Variants in TPST1 observed in about 807,000 individuals in gnomAD.
The protein encoded by TPST1 is tyrosylprotein sulfotransferase 1, also known as protein-tyrosine sulfotransferase 1.
TPST1 carries 20 observed loss-of-function variants against 34.8 expected under a neutral mutation model. That is an observed-to-expected ratio of 0.57 (90% confidence interval 0.40 to 0.84). The LOEUF is 0.84. Among genes scored for constraint, TPST1 ranks in the 40% least tolerant of loss-of-function variants. The pLI, the probability that TPST1 is intolerant of heterozygous loss-of-function variation, is 0.00. For synonymous variants in TPST1, 152 were observed against 159.4 expected, an observed-to-expected ratio of 0.95 and a Z score of 0.35; for missense variants, 353 against 455.5, an observed-to-expected ratio of 0.78 and a Z score of 2.05.
intron 1 of TPST1, among the ~76,000 whole-genome samples, chr7:66,225,067 G>A (rs937702704): frequency 6.6e-6 from 1 of 151,556 alleles, no homozygotes; most frequent in South Asian, 2.1e-4. Context: ...ACAGGCACGC[G>A]CCACCACGCC....
intron 1 of TPST1, among the ~76,000 whole-genome samples, chr7:66,225,893 G>C (rs996696915): frequency 7.2e-5 from 11 of 152,058 alleles, no homozygotes; most frequent in Non-Finnish European, 1.6e-4. Context: ...TTTTGTTTTT[G>C]TTTTTGTTTT....
chr7:66,322,802 C>T (rs539748099), intron 3 of TPST1, among the ~76,000 whole-genome samples: 3 of 152,218 alleles, frequency 2.0e-5, no homozygotes, highest in Non-Finnish European at 4.4e-5. Context: ...AGGAAGCTGC[C>T]GTACTGTTAC....
chr7:66,293,236 A>G (rs1791124106), intron 3 of TPST1, among the ~76,000 whole-genome samples: 2 of 151,946 alleles, frequency 1.3e-5, no homozygotes. Context: ...TGGGCCCAGC[A>G]TAGGGCTGAC....
At chr7:66,217,026 T>A (rs1415568647) in intron 1 of TPST1, among the ~76,000 whole-genome samples, 1 of 152,222 alleles carries the variant, frequency 6.6e-6, no homozygotes, top group African/African-American at 2.4e-5. Flanking sequence ...TATTGTTTTT[T>A]AATTTTATTT....
chr7:66,349,682 A>G (rs1792430740), intron 3 of TPST1, among the ~76,000 whole-genome samples: 1 of 152,208 alleles, frequency 6.6e-6, no homozygotes, highest in Admixed American at 6.5e-5. Flanking sequence ...TAAAGCAGCC[A>G]CGGCACAGAC....
chr7:66,330,660 C>T (rs1485248803), intron 3 of TPST1, among the ~76,000 whole-genome samples: 1 of 152,172 alleles, frequency 6.6e-6, no homozygotes, highest in Admixed American at 6.5e-5. Flanking sequence ...CCTTAAAACT[C>T]ACAGTCCACC....
chr7:66,232,903 G>T (rs1263550711), intron 1 of TPST1, among the ~76,000 whole-genome samples: 1 of 152,184 alleles, frequency 6.6e-6, no homozygotes. Context: ...TTGTCATCTA[G>T]TGGGTGTCAA....
chr7:66,229,717 G>A (rs1789737620), intron 1 of TPST1, among the ~76,000 whole-genome samples: 1 of 152,168 alleles, frequency 6.6e-6, no homozygotes, highest in Non-Finnish European at 1.5e-5. Flanking sequence ...TTTCACAGTA[G>A]ATATATCTAT....
intron 1 of TPST1, among the ~76,000 whole-genome samples, chr7:66,220,600 C>T (rs1789521559): frequency 7.2e-6 from 1 of 137,932 alleles, no homozygotes; most frequent in African/African-American, 2.7e-5. Flanking sequence ...GCAAAAGCTG[C>T]AGTGCATGCG....
chr7:66,212,148 T>A (rs1032037410), intron 1 of TPST1, among the ~76,000 whole-genome samples: 2 of 152,234 alleles, frequency 1.3e-5, no homozygotes, highest in African/African-American at 4.8e-5. Flanking sequence ...TTCATACGAT[T>A]AAGGTATATC....
chr7:66,240,520 A>G lies in TPST1; in HGVS notation c.95A>G (p.His32Arg), dbSNP rs1469855880. ...FYLGQHAMEC[H>R]HRIEERSQPV... ...CTGGGCCAGCATGCCATGGAATGCC[A>G]TCACCGGATAGAGGAACGTAGCCAG... The change falls in exon 2 of 6, where the codon CAT becomes CGT. Residue 32 changes from histidine (H) to arginine (R), a missense_variant. Coordinates refer to ENST00000304842, the MANE Select transcript of TPST1 (RefSeq NM_003596.4). 6.2e-7 allele frequency: 1 copy of G among 1,614,094 alleles called. No individual in the cohort carries two copies. Among genetic ancestry groups the G allele is most frequent in the Non-Finnish European group, 8.5e-7 (1 of 1,180,046 alleles).
At chr7:66,271,851 T>C (rs1366628774) in intron 2 of TPST1, among the ~76,000 whole-genome samples, 1 of 152,178 alleles carries the variant, frequency 6.6e-6, no homozygotes, top group African/African-American at 2.4e-5. Flanking sequence ...TTAGGACATT[T>C]TCAAAGGATT....
chr7:66,295,211 T>C (rs1318836497), intron 3 of TPST1, among the ~76,000 whole-genome samples: 1 of 152,204 alleles, frequency 6.6e-6, no homozygotes, highest in African/African-American at 2.4e-5. Flanking sequence ...AAAAAACCTT[T>C]GGGCTGGCCA....
chr7:66,222,703 G>C (rs1789569861), intron 1 of TPST1, among the ~76,000 whole-genome samples: 1 of 152,090 alleles, frequency 6.6e-6, no homozygotes, highest in Non-Finnish European at 1.5e-5. Context: ...GATGTCAATG[G>C]GGAATGATTC....
intron 3 of TPST1, among the ~76,000 whole-genome samples, chr7:66,303,391 G>GTGTATGTATGTTTGTATGTA (rs1554350571): frequency 1.3e-5 from 2 of 150,048 alleles, no homozygotes; most frequent in African/African-American, 4.9e-5. Flanking sequence ...ACAGCTGTGT[G>GTGTATGTATGTTTGTATGTA]TGTATGTATG....
chr7:66,235,942 G>A (rs1789903883), intron 1 of TPST1, among the ~76,000 whole-genome samples: 1 of 152,034 alleles, frequency 6.6e-6, no homozygotes, highest in South Asian at 2.1e-4. Context: ...TCCAAAGGAG[G>A]CAATCATATA....
At chr7:66,210,772 T>C (rs376368083) in intron 1 of TPST1, among the ~76,000 whole-genome samples, 1 of 152,174 alleles carries the variant, frequency 6.6e-6, no homozygotes, top group South Asian at 2.1e-4. Context: ...GAGATCAGCC[T>C]GGGCAACATA....
At chr7:66,338,527 A>G (rs1170263518) in intron 3 of TPST1, among the ~76,000 whole-genome samples, 1 of 152,168 alleles carries the variant, frequency 6.6e-6, no homozygotes, top group Non-Finnish European at 1.5e-5. Context: ...CAGAATACAC[A>G]TTTTTCTCAA....
chr7:66,283,238 G>A (rs534009568), intron 2 of TPST1, among the ~76,000 whole-genome samples: 1 of 152,122 alleles, frequency 6.6e-6, no homozygotes, highest in Non-Finnish European at 1.5e-5. Context: ...TCCAGCCTGG[G>A]TGACAGAGCA....
Sources: allele counts gnomAD v4.1 joint callset (sites outside exome capture counted in the v4.1 genomes callset), GRCh38; gene constraint gnomAD v4.1.1; transcripts MANE v1.5; gene names NCBI Gene and HGNC (gene_info 2026-07-23, HGNC 2026-07-21).